ARID5B: variants seen among roughly 807,000 people sequenced by gnomAD.
The protein encoded by ARID5B is AT-rich interaction domain 5B, also known as AT-rich interactive domain-containing protein 5B.
ARID5B carries 13 observed loss-of-function variants against 97.2 expected under a neutral mutation model. The observed-to-expected ratio is 0.13, with a 90% CI of 0.09 to 0.21. ARID5B has a LOEUF of 0.21. ARID5B is among the 10% of genes least tolerant of loss of function. ARID5B has a pLI of 1.00. For synonymous variants in ARID5B, 556 were observed against 570.3 expected, an observed-to-expected ratio of 0.97 and a Z score of 0.36; for missense variants, 1,210 against 1,465.3, an observed-to-expected ratio of 0.83 and a Z score of 2.84.
At chr10:62,034,301 C>T (rs1839533900) in intron 4 of ARID5B, among the ~76,000 whole-genome samples, 1 of 152,184 alleles carries the variant, frequency 6.6e-6, no homozygotes. Flanking sequence ...AACACAAGCT[C>T]ACTGTATTTT....
intron 7 of ARID5B, among the ~76,000 whole-genome samples, chr10:62,066,875 T>G (rs1839996619): frequency 6.6e-6 from 1 of 152,216 alleles, no homozygotes; most frequent in Admixed American, 6.5e-5. Flanking sequence ...ATGTGTTCAC[T>G]CGTTGATTGT....
intron 8 of ARID5B, among the ~76,000 whole-genome samples, chr10:62,080,644 T>C (rs576772063): frequency 7.9e-5 from 12 of 152,352 alleles, no homozygotes; most frequent in African/African-American, 2.9e-4. Flanking sequence ...TATATTTTAA[T>C]TTCTGGCTGC....
chr10:61,963,536 A>G (rs760568470), intron 3 of ARID5B, among the ~76,000 whole-genome samples: 26 of 151,876 alleles, frequency 1.7e-4, no homozygotes, highest in African/African-American at 5.3e-4. Context: ...CCACATCTCA[A>G]TTGAAGATCC....
intron 4 of ARID5B, among the ~76,000 whole-genome samples, chr10:62,037,584 A>G (rs915061451): frequency 2.0e-5 from 3 of 152,230 alleles, no homozygotes; most frequent in African/African-American, 7.2e-5. Context: ...AAGCCCTTTG[A>G]GAACGCACCT....
intron 8 of ARID5B, among the ~76,000 whole-genome samples, chr10:62,084,460 A>G (rs577172760): frequency 6.6e-5 from 10 of 152,228 alleles, no homozygotes; most frequent in Non-Finnish European, 1.0e-4. Context: ...AGGATCCCCA[A>G]TATTTGAACA....
chr10:62,038,385 A>G lies in ARID5B; in HGVS notation c.734-12503A>G, dbSNP rs375056225. 1.2e-3 allele frequency among the ~76,000 whole-genome samples: 185 copies of G among 151,636 alleles called. No homozygotes were observed. The South Asian group carries it at 0.012, about 10-fold the overall frequency. ...GTTCCTTATTTAAAAAAAAAAAAAG[A>G]AAAGAAAAAAAGCCAGTTTTTCTTC... On this transcript the variant is annotated intron_variant, in intron 4 of 9. Coordinates refer to ENST00000279873, the MANE Select transcript of ARID5B (RefSeq NM_032199.3).
intron 3 of ARID5B, among the ~76,000 whole-genome samples, chr10:61,988,770 T>C (rs1468978597): frequency 6.6e-6 from 1 of 152,186 alleles, no homozygotes; most frequent in Non-Finnish European, 1.5e-5. Flanking sequence ...AAGAGAGCTA[T>C]GCTGTTCAAT....
At chr10:61,987,346 C>T (rs1339838804) in intron 3 of ARID5B, among the ~76,000 whole-genome samples, 7 of 152,192 alleles carry the variant, frequency 4.6e-5, no homozygotes, top group African/African-American at 1.2e-4. Flanking sequence ...TCATGTGCTT[C>T]GCTTGTTTCC....
At chr10:61,969,501 A>C (rs971228845) in intron 3 of ARID5B, among the ~76,000 whole-genome samples, 1 of 152,116 alleles carries the variant, frequency 6.6e-6, no homozygotes, top group Non-Finnish European at 1.5e-5. Flanking sequence ...TTTGCTCGAC[A>C]GCTGGACAGA....
intron 4 of ARID5B, among the ~76,000 whole-genome samples, chr10:62,021,833 T>C (rs1479711426): frequency 1.3e-5 from 2 of 152,224 alleles, no homozygotes; most frequent in Admixed American, 1.3e-4. Context: ...AGTTAGTCCA[T>C]ATATTTTATA....
chr10:61,975,525 G>A (rs1386773402), intron 3 of ARID5B, among the ~76,000 whole-genome samples: 2 of 152,074 alleles, frequency 1.3e-5, no homozygotes, highest in African/African-American at 2.4e-5. Context: ...AGTCATCCTA[G>A]ACAAGTCACT....
chr10:61,992,115 A>AT (rs1838934230), intron 3 of ARID5B, among the ~76,000 whole-genome samples: 1 of 152,176 alleles, frequency 6.6e-6, no homozygotes, highest in Admixed American at 6.5e-5. Context: ...GTCAGGCCCC[A>AT]TAGAATAACA....
At chr10:62,048,055 A>G (rs553860282) in intron 4 of ARID5B, among the ~76,000 whole-genome samples, 1 of 152,338 alleles carries the variant, frequency 6.6e-6, no homozygotes, top group East Asian at 1.9e-4. Context: ...TTCCCAGTGC[A>G]AACTCAAGTC....
chr10:61,979,207 T>C (rs1317182474), intron 3 of ARID5B, among the ~76,000 whole-genome samples: 1 of 152,188 alleles, frequency 6.6e-6, no homozygotes, highest in East Asian at 1.9e-4. Context: ...TCTGAGTTCC[T>C]CAAAGTCCTT....
intron 3 of ARID5B, among the ~76,000 whole-genome samples, chr10:61,997,830 T>C (rs1302690042): frequency 6.6e-6 from 1 of 152,198 alleles, no homozygotes; most frequent in African/African-American, 2.4e-5. Flanking sequence ...AACGACCGCA[T>C]TTGAATATTT....
chr10:62,034,696 A>T (rs572740771), intron 4 of ARID5B, among the ~76,000 whole-genome samples: 1 of 152,196 alleles, frequency 6.6e-6, no homozygotes, highest in Non-Finnish European at 1.5e-5. Flanking sequence ...TTATTTATGA[A>T]ATTTCTAGGC....
chr10:61,940,064 T>A (rs961369764), intron 2 of ARID5B, 119 bp from the exon 3 acceptor site: 26 of 784,730 alleles, frequency 3.3e-5, no homozygotes, highest in African/African-American at 2.6e-4. Context: ...ATGCACACAG[T>A]CTCCTTGCAT....
At chr10:62,031,747 G>T (rs1464557640) in intron 4 of ARID5B, among the ~76,000 whole-genome samples, 1 of 151,980 alleles carries the variant, frequency 6.6e-6, no homozygotes, top group East Asian at 1.9e-4. Context: ...CGGTCTAAAG[G>T]AGCAGCTGCT....
intron 2 of ARID5B, among the ~76,000 whole-genome samples, chr10:61,931,925 A>G (rs189583831): frequency 3.2e-4 from 48 of 152,308 alleles, no homozygotes; most frequent in African/African-American, 1.1e-3. Flanking sequence ...TGGTACAGCC[A>G]CTCTGGAAAA....
Sources: gnomAD v4.1 joint callset for allele counts (sites outside exome capture counted in the v4.1 genomes callset) on GRCh38, gnomAD v4.1.1 for gene constraint, MANE v1.5 for transcripts, NCBI Gene and HGNC (gene_info 2026-07-23, HGNC 2026-07-21) for gene names.